The following NKAIN2 variants were observed in gnomAD, a reference collection of about 807,000 sequenced individuals.
NKAIN2 encodes the protein sodium/potassium-transporting ATPase subunit beta-1-interacting protein 2.
Under a neutral mutation model 32.6 loss-of-function variants are expected in NKAIN2, and 14 were observed. The ratio of observed to expected loss-of-function variants is 0.43; its 90% CI spans 0.28 to 0.67. NKAIN2 has a LOEUF of 0.67. NKAIN2 is among the 30% of genes least tolerant of loss of function. The probability of loss-of-function intolerance (pLI) is 0.17; values close to 1 mark genes in which losing one functional copy is unlikely to be tolerated. For missense variants in NKAIN2, 198 were observed against 258.3 expected (o/e 0.77, Z 1.60); for synonymous variants, 80 against 87.2 (o/e 0.92, Z 0.46).
At position 124,520,142 on chromosome 6, in the gene NKAIN2, C is replaced by T. The variant is rs978883337; in HGVS notation, c.274-138044C>T. 9.2e-5 allele frequency among the ~76,000 whole-genome samples: 14 copies of T among 151,952 alleles called. No homozygotes were observed. The East Asian group carries it at 1.2e-3, about 13-fold the overall frequency. On this transcript the variant is annotated intron_variant, in intron 3 of 6. Transcript: ENST00000368417. ...GGACAGATAAACAGAAAGGCCAATA[C>T]GAAAAGGAATCTTCCCTATGTACTC...
intron 3 of NKAIN2, among the ~76,000 whole-genome samples, chr6:124,654,458 T>C (rs1251222005): frequency 6.6e-6 from 1 of 151,884 alleles, no homozygotes; most frequent in African/African-American, 2.4e-5. Flanking sequence ...AGTAAATAAA[T>C]TTAACAAAAG....
chr6:124,151,494 T>A (rs1197762778), intron 1 of NKAIN2, among the ~76,000 whole-genome samples: 3 of 152,086 alleles, frequency 2.0e-5, no homozygotes, highest in Non-Finnish European at 4.4e-5. Context: ...CTTACGTGTC[T>A]GTCTTTTGGT....
At chr6:124,068,758 C>CA (rs113098195) in intron 1 of NKAIN2, among the ~76,000 whole-genome samples, 12,997 of 142,182 alleles carry the variant, frequency 0.091, 587 homozygotes, top group Middle Eastern at 0.18. Flanking sequence ...ATTATAAAAA[C>CA]GGGGAAGGGA....
chr6:124,362,720 T>G (rs1184739409), intron 3 of NKAIN2, among the ~76,000 whole-genome samples: 2 of 152,128 alleles, frequency 1.3e-5, no homozygotes, highest in African/African-American at 4.8e-5. Flanking sequence ...CCAAAATGAT[T>G]TATTATCATC....
At chr6:124,189,070 T>C (rs1789887981) in intron 1 of NKAIN2, among the ~76,000 whole-genome samples, 1 of 152,196 alleles carries the variant, frequency 6.6e-6, no homozygotes, top group Non-Finnish European at 1.5e-5. Flanking sequence ...ACATCATCAT[T>C]TTGTTGCCAA....
intron 1 of NKAIN2, among the ~76,000 whole-genome samples, chr6:123,862,712 A>G (rs1775832305): frequency 2.0e-5 from 3 of 151,988 alleles, no homozygotes; most frequent in African/African-American, 7.3e-5. Flanking sequence ...CATTGTTACT[A>G]TCCATTTCTC....
intron 1 of NKAIN2, among the ~76,000 whole-genome samples, chr6:124,113,223 C>G (rs1366179958): frequency 6.6e-6 from 1 of 152,050 alleles, no homozygotes; most frequent in African/African-American, 2.4e-5. Flanking sequence ...TTTCCTCCCA[C>G]AGGAAGGGAA....
At chr6:124,397,535 T>A (rs1242514283) in intron 3 of NKAIN2, among the ~76,000 whole-genome samples, 2 of 152,080 alleles carry the variant, frequency 1.3e-5, no homozygotes, top group African/African-American at 4.8e-5. Context: ...GAGTTTTTTT[T>A]TTTTAATTAT....
At chr6:124,785,575 G>C (rs1199991195) in intron 4 of NKAIN2, among the ~76,000 whole-genome samples, 2 of 152,152 alleles carry the variant, frequency 1.3e-5, no homozygotes, top group African/African-American at 4.8e-5. Context: ...GAGGGATGCT[G>C]ACTTATTTCT....
At chr6:123,883,292 C>A (rs1773540763) in intron 1 of NKAIN2, among the ~76,000 whole-genome samples, 1 of 151,864 alleles carries the variant, frequency 6.6e-6, no homozygotes, top group African/African-American at 2.4e-5. Flanking sequence ...CTATAGGCAC[C>A]CGCCACCACC....
At chr6:124,684,791 A>C (rs567631827) in intron 4 of NKAIN2, among the ~76,000 whole-genome samples, 1 of 152,312 alleles carries the variant, frequency 6.6e-6, no homozygotes, top group Non-Finnish European at 1.5e-5. Flanking sequence ...CCGAGTAAGT[A>C]AATAGGGAAA....
At chr6:124,085,381 A>G (rs1784149449) in intron 1 of NKAIN2, among the ~76,000 whole-genome samples, 1 of 152,072 alleles carries the variant, frequency 6.6e-6, no homozygotes, top group Non-Finnish European at 1.5e-5. Flanking sequence ...AGCAAATAAT[A>G]TAACAGTATA....
At chr6:124,216,882 A>G (rs1216871909) in intron 1 of NKAIN2, among the ~76,000 whole-genome samples, 3 of 152,210 alleles carry the variant, frequency 2.0e-5, no homozygotes, top group African/African-American at 7.2e-5. Context: ...GGATAATTCA[A>G]TCATAAAGCA....
intron 4 of NKAIN2, among the ~76,000 whole-genome samples, chr6:124,664,793 CAAAAAAAAAAAAAAAAAAAA>C (rs57032378): frequency 3.9e-4 from 16 of 40,804 alleles, no homozygotes; most frequent in South Asian, 1.7e-3. Flanking sequence ...GACTCCGTCT[CAAAAAAAAAAAAAAAAAAAA>C]AAAAAAAAAA....
chr6:124,255,671 G>C (rs759752410), intron 1 of NKAIN2, among the ~76,000 whole-genome samples: 1 of 152,184 alleles, frequency 6.6e-6, no homozygotes, highest in African/African-American at 2.4e-5. Flanking sequence ...GCCTATCACC[G>C]TCAGTGATCA....
chr6:124,250,782 A>G (rs1582926286), intron 1 of NKAIN2, among the ~76,000 whole-genome samples: 1 of 152,160 alleles, frequency 6.6e-6, no homozygotes, highest in South Asian at 2.1e-4. Context: ...CATACTAAGT[A>G]TATATGAGTA....
intron 5 of NKAIN2, among the ~76,000 whole-genome samples, chr6:124,792,761 A>G (rs529413945): frequency 6.6e-6 from 1 of 152,244 alleles, no homozygotes; most frequent in South Asian, 2.1e-4. Context: ...GAAAAAGCAT[A>G]TCACGGCCAG....
intron 3 of NKAIN2, among the ~76,000 whole-genome samples, chr6:124,370,326 T>G (rs1799701847): frequency 6.6e-6 from 1 of 152,046 alleles, no homozygotes; most frequent in South Asian, 2.1e-4. Context: ...CTTTATAGGT[T>G]ATATTTTTAA....
chr6:124,328,938 GATA>G (rs1420164017), intron 2 of NKAIN2, among the ~76,000 whole-genome samples: 3 of 152,330 alleles, frequency 2.0e-5, no homozygotes, highest in Admixed American at 2.0e-4. Context: ...ACTTGCTTCA[GATA>G]ATAATGTCAT....
Sources: gnomAD v4.1 joint callset for allele counts (sites outside exome capture counted in the v4.1 genomes callset) on GRCh38, gnomAD v4.1.1 for gene constraint, MANE v1.5 for transcripts, NCBI Gene and HGNC (gene_info 2026-07-23, HGNC 2026-07-21) for gene names.